The following STK40 variants were observed in gnomAD, a reference collection of about 807,000 sequenced individuals.
The protein encoded by STK40 is serine/threonine-protein kinase 40.
Under a neutral mutation model 47.9 loss-of-function variants are expected in STK40, and 13 were observed. The observed-to-expected ratio is 0.27, with a 90% CI of 0.18 to 0.43. The LOEUF (loss-of-function observed/expected upper bound fraction) is 0.43. Among genes scored for constraint, STK40 ranks in the 20% least tolerant of loss-of-function variants. STK40 has a pLI of 1.00. For synonymous variants in STK40, 225 were observed against 243.2 expected (o/e 0.93, Z 0.69); for missense variants, 460 against 595.1 (o/e 0.77, Z 2.36).
At chr1:36,344,818 A>T (rs964925787) in intron 7 of STK40, among the ~76,000 whole-genome samples, 10 of 152,362 alleles carry the variant, frequency 6.6e-5, no homozygotes, top group Non-Finnish European at 1.5e-4. Flanking sequence ...TAAATGAAGG[A>T]TGGCCACTTA....
chr1:36,345,993 T>TATATA (rs1255116115), intron 7 of STK40, among the ~76,000 whole-genome samples: 145 of 8,510 alleles, frequency 0.017, no homozygotes, highest in Non-Finnish European at 0.025. Flanking sequence ...ATATATATAT[T>TATATA]TTTTTTTTTT....
chr1:36,372,565 T>C (rs1443808723), intron 1 of STK40: 1 of 152,210 alleles, frequency 6.6e-6, no homozygotes, highest in East Asian at 1.9e-4. Flanking sequence ...CCCATATTCT[T>C]TTTCCCTGAC....
At chr1:36,360,246 G>C (rs569610263) in intron 2 of STK40, among the ~76,000 whole-genome samples, 2 of 152,300 alleles carry the variant, frequency 1.3e-5, no homozygotes, top group East Asian at 1.9e-4. Context: ...GAACTATCCT[G>C]AGCCTGTAAG....
intron 1 of STK40, among the ~76,000 whole-genome samples, chr1:36,378,898 C>A (rs983297177): frequency 6.6e-6 from 1 of 152,192 alleles, no homozygotes; most frequent in Non-Finnish European, 1.5e-5. Flanking sequence ...TAGCAGGACT[C>A]TTGCTCCCCA....
chr1:36,346,516 C>G (rs1466747273), intron 7 of STK40, among the ~76,000 whole-genome samples: 1 of 152,146 alleles, frequency 6.6e-6, no homozygotes, highest in Non-Finnish European at 1.5e-5. Flanking sequence ...AGACCTGGGT[C>G]GGAAACCCAC....
At chr1:36,353,454 G>A (rs755999090) in intron 6 of STK40, among the ~76,000 whole-genome samples, 2 of 152,116 alleles carry the variant, frequency 1.3e-5, no homozygotes, top group Non-Finnish European at 2.9e-5. Flanking sequence ...CTGAAACCAG[G>A]GCCGTGCTTG....
intron 1 of STK40, chr1:36,365,919 C>T (rs781325348): frequency 6.6e-5 from 10 of 152,184 alleles, no homozygotes; most frequent in Admixed American, 1.3e-4. Context: ...ATATATAAAA[C>T]CACTGCAGCC....
In STK40 at chr1:36,355,193, G is replaced by A. The variant is rs1296145637; in HGVS notation, c.570+13C>T. 6.2e-7 allele frequency: 1 copy of A among 1,612,598 alleles called. No homozygotes were observed. Among genetic ancestry groups the A allele is most frequent in the Admixed American group, 1.7e-5 (1 of 60,014 alleles). ...CTGTGGCCAGAAGGCGCAGCAGCAG[G>A]GTGTGGCCTCACCTGGTGCAGGGCC... On this transcript the variant is annotated intron_variant, in intron 5 of 10. Transcript: ENST00000373132.
chr1:36,369,377 C>G (rs983832777), intron 1 of STK40, among the ~76,000 whole-genome samples: 1 of 152,124 alleles, frequency 6.6e-6, no homozygotes, highest in Non-Finnish European at 1.5e-5. Context: ...GCTGCCGTCT[C>G]TCTGCCTGCT....
chr1:36,383,552 G>A (rs1025210312), intron 1 of STK40, among the ~76,000 whole-genome samples: 8 of 152,202 alleles, frequency 5.3e-5, no homozygotes, highest in Admixed American at 3.9e-4. Context: ...GTTTGTCTCC[G>A]AAGAGTTCTC....
At chr1:36,357,529 C>T (rs548000384) in intron 4 of STK40, among the ~76,000 whole-genome samples, 2 of 152,128 alleles carry the variant, frequency 1.3e-5, no homozygotes, top group Admixed American at 1.3e-4. Context: ...AATACCTTTC[C>T]TAAGGGATCT....
At chr1:36,343,527 A>C (rs1570432100) in intron 9 of STK40, 79 bp from the exon 10 acceptor site, 1 of 1,363,726 alleles carries the variant, frequency 7.3e-7, no homozygotes. Context: ...AGTCAGACAC[A>C]CCTGGGTTGT....
intron 7 of STK40, among the ~76,000 whole-genome samples, chr1:36,346,715 C>A (rs1035459742): frequency 2.6e-5 from 4 of 152,184 alleles, no homozygotes; most frequent in African/African-American, 4.8e-5. Flanking sequence ...AAGACTGGCA[C>A]GAGTCTGGAA....
At chr1:36,363,170 T>C (rs921951990) in intron 1 of STK40, among the ~76,000 whole-genome samples, 1 of 150,806 alleles carries the variant, frequency 6.6e-6, no homozygotes, top group Non-Finnish European at 1.5e-5. Flanking sequence ...AAAAATTAGC[T>C]GGGCATGATG....
intron 4 of STK40, among the ~76,000 whole-genome samples, chr1:36,356,001 AGT>A (rs1410436080): frequency 2.6e-5 from 4 of 152,118 alleles, no homozygotes; most frequent in African/African-American, 4.8e-5. Flanking sequence ...GATGGCTAAG[AGT>A]GACTCTGACC....
chr1:36,344,501 G>T (rs1013116791), intron 7 of STK40, among the ~76,000 whole-genome samples: 2 of 152,200 alleles, frequency 1.3e-5, no homozygotes, highest in African/African-American at 4.8e-5. Flanking sequence ...CGGCCAGATG[G>T]CGAGCCCCTG....
In STK40 at chr1:36,341,632, T is replaced by A; in HGVS notation, c.*123A>T. ...CCACGTGTGACCTGGGCTGTCCCTG[T>A]CCCTGCCCTGTCCCTATTGTGGCCC... On this transcript the variant is annotated 3_prime_UTR_variant, in exon 11 of 11. Coordinates refer to ENST00000373132, the MANE Select transcript of STK40 (RefSeq NM_001282547.2). 1.6e-6 allele frequency: 2 copies of A among 1,232,692 alleles called. No individual in the cohort carries two copies. The highest frequency in any genetic ancestry group is 1.4e-5 in the South Asian group (1 of 70,388). The allele number at this position is 1,232,692 out of a possible 1,614,324, so 76.4% of individuals were successfully genotyped here. A position where few individuals can be genotyped will look rare whatever the true frequency, so the allele number is the denominator to read the frequency against.
At chr1:36,372,423 CA>C (rs796595993) in intron 1 of STK40, among the ~76,000 whole-genome samples, 729 of 39,616 alleles carry the variant, frequency 0.018, 2 homozygotes, top group Middle Eastern at 0.052. Context: ...GACCTTGTCT[CA>C]AAAAAAAAAA....
At chr1:36,376,174 C>T (rs1201050237) in intron 1 of STK40, among the ~76,000 whole-genome samples, 3 of 152,208 alleles carry the variant, frequency 2.0e-5, no homozygotes, top group Admixed American at 6.5e-5. Flanking sequence ...CTTCAGAGTG[C>T]CCCTCTGTTG....
Sources: allele counts gnomAD v4.1 joint callset (sites outside exome capture counted in the v4.1 genomes callset), GRCh38; gene constraint gnomAD v4.1.1; transcripts MANE v1.5; gene names NCBI Gene and HGNC (gene_info 2026-07-23, HGNC 2026-07-21).